NDRG4: variants seen among roughly 807,000 people sequenced by gnomAD.
The protein encoded by NDRG4 is NDRG family member 4, also known as protein NDRG4.
In NDRG4, 38 loss-of-function variants were observed where a neutral mutation model predicts 55.8. The ratio of observed to expected loss-of-function variants is 0.68; its 90% CI spans 0.53 to 0.89. The LOEUF is 0.89. Ranked by LOEUF, NDRG4 falls within the 40% of genes least tolerant of loss-of-function variation. The pLI is 0.00. For missense variants in NDRG4, 455 were observed against 468.6 expected (o/e 0.97, Z 0.27); for synonymous variants, 190 against 182.7 (o/e 1.04, Z -0.32).
chr16:58,472,556 T>C (rs1245389104), intron 1 of NDRG4, among the ~76,000 whole-genome samples: 1 of 152,140 alleles, frequency 6.6e-6, no homozygotes, highest in African/African-American at 2.4e-5. Context: ...CCTGGGACCA[T>C]GCAGGAGAGA....
chr16:58,489,970 G>A (rs555952669), intron 2 of NDRG4, among the ~76,000 whole-genome samples: 8 of 151,958 alleles, frequency 5.3e-5, no homozygotes, highest in South Asian at 2.1e-4. Context: ...TCAGCCTCCC[G>A]AGTAGCGAGG....
At position 58,464,824 on chromosome 16, in the gene NDRG4, C is replaced by T. The variant is rs1249208534; in HGVS notation, c.-24+1027C>T. On this transcript the variant is annotated intron_variant, in intron 1 of 15. Coordinates refer to the NDRG4 transcript ENST00000258187. The surrounding 1 kb of genome is among the most constrained non-coding windows in gnomAD (Gnocchi z 4.8). ...AAGGACCCGTGGGCTTCTGGCAGGA[C>T]CCGCGCCATGGACCTCTTATTTCTG... 1 of 1,251,250 alleles carries T rather than the reference C, an allele frequency of 8.0e-7. No individual in the cohort carries two copies. Among genetic ancestry groups the T allele is most frequent in the Non-Finnish European group, 1.0e-6 (1 of 992,208 alleles). 77.5% of individuals were successfully genotyped at this position (1,251,250 alleles called of 1,614,324 possible).
intron 1 of NDRG4, among the ~76,000 whole-genome samples, chr16:58,481,032 A>G (rs2151632175): frequency 6.6e-6 from 1 of 151,626 alleles, no homozygotes; most frequent in East Asian, 1.9e-4. Context: ...AAAAGATGAT[A>G]GAGTCCACAC....
chr16:58,474,798 T>G (rs9941310), intron 1 of NDRG4, among the ~76,000 whole-genome samples: 1 of 152,132 alleles, frequency 6.6e-6, no homozygotes, highest in African/African-American at 2.4e-5. Context: ...CCAAACCACA[T>G]GTACTGAGAA....
Position 58,464,755 on chromosome 16 carries a change from C to T in NDRG4, c.-24+958C>T. 1 of 1,276,064 alleles carries T rather than the reference C, an allele frequency of 7.8e-7. No individual in the cohort carries two copies. The highest frequency in any genetic ancestry group is 9.9e-7 in the Non-Finnish European group (1 of 1,012,730). The allele number at this position is 1,276,064 out of a possible 1,614,324, so 79.0% of individuals were successfully genotyped here. On this transcript the variant is annotated intron_variant, in intron 1 of 15. Transcript: ENST00000258187. This position sits in a 1 kb window ranked among gnomAD's most constrained non-coding sequence, Gnocchi z 4.8. ...CTCGGATTAGGACCCTGAAAGCTAG[C>T]TCAGGGCTCCTGCCCTCCAATCAGT...
chr16:58,482,567 A>T (rs1211645277), intron 1 of NDRG4, among the ~76,000 whole-genome samples: 1 of 152,070 alleles, frequency 6.6e-6, no homozygotes, highest in Non-Finnish European at 1.5e-5. Flanking sequence ...TAGGACCCCC[A>T]GTCACTGAGA....
intron 1 of NDRG4, among the ~76,000 whole-genome samples, chr16:58,482,468 G>C (rs981657157): frequency 6.6e-5 from 10 of 151,968 alleles, no homozygotes; most frequent in Admixed American, 1.3e-4. Flanking sequence ...GTGCAGCTGT[G>C]GGGGGTAGAG....
chr16:58,487,725 A>C, intron 1 of NDRG4: 2 of 1,473,954 alleles, frequency 1.4e-6, no homozygotes, highest in Non-Finnish European at 1.8e-6. Flanking sequence ...TCCCCGCCGC[A>C]GCAGGCCTCA....
intron 2 of NDRG4, among the ~76,000 whole-genome samples, chr16:58,488,332 C>A (rs1555531084): frequency 6.6e-6 from 1 of 152,210 alleles, no homozygotes; most frequent in Admixed American, 6.5e-5. Flanking sequence ...AGAGGCATCA[C>A]AGGTTATGAT....
chr16:58,475,749 C>A (rs909843538), intron 1 of NDRG4: 1 of 430,460 alleles, frequency 2.3e-6, no homozygotes, highest in African/African-American at 2.1e-5. Flanking sequence ...CCTGCCATCA[C>A]ATCTGTATTC....
intron 1 of NDRG4, among the ~76,000 whole-genome samples, chr16:58,470,368 C>G (rs72790225): frequency 0.23 from 34,814 of 152,050 alleles, 4,553 homozygotes; most frequent in Non-Finnish European, 0.29. Flanking sequence ...GTTGGCTTTC[C>G]TTGAAGTCTA....
upstream of NDRG4, among the ~76,000 whole-genome samples, chr16:58,498,622 C>T (rs1272582535): frequency 6.6e-6 from 1 of 152,142 alleles, no homozygotes; most frequent in Non-Finnish European, 1.5e-5. Context: ...CCCACCCGGC[C>T]CTTGTTCCTG....
chr16:58,493,411 G>A (rs893703445), intron 2 of NDRG4, among the ~76,000 whole-genome samples: 3 of 152,216 alleles, frequency 2.0e-5, no homozygotes, highest in Non-Finnish European at 4.4e-5. Flanking sequence ...TGGGATTACA[G>A]GCATGTGCCA....
chr16:58,466,127 G>A (rs916348322), intron 1 of NDRG4, among the ~76,000 whole-genome samples: 7 of 152,130 alleles, frequency 4.6e-5, no homozygotes, highest in African/African-American at 1.7e-4. Context: ...AGGGATTCTC[G>A]TGCCTCAGCT....
At chr16:58,471,037 A>T (rs2032708976) in intron 1 of NDRG4, among the ~76,000 whole-genome samples, 1 of 152,150 alleles carries the variant, frequency 6.6e-6, no homozygotes, top group Non-Finnish European at 1.5e-5. Flanking sequence ...CAGCCAAGGA[A>T]TGCAGCTCTG....
intron 5 of NDRG4, 192 bp downstream of exon 5, chr16:58,504,841 G>C (rs1443283838): frequency 3.3e-6 from 2 of 604,794 alleles, no homozygotes; most frequent in African/African-American, 1.9e-5. Context: ...TTTTAAAAAA[G>C]AGGTTCCTTT....
chr16:58,508,915 G>C, intron 10 of NDRG4, 47 bp from the exon 11 acceptor site: 1 of 1,604,144 alleles, frequency 6.2e-7, no homozygotes, highest in Non-Finnish European at 8.5e-7. Flanking sequence ...GGCAATGGGG[G>C]TGGGGAGGGG....
At chr16:58,487,109 G>A (rs2151676524) in intron 1 of NDRG4, among the ~76,000 whole-genome samples, 1 of 152,306 alleles carries the variant, frequency 6.6e-6, no homozygotes, top group East Asian at 1.9e-4. Context: ...CTGACCCTGT[G>A]TTTGGCCTCC....
intron 2 of NDRG4, among the ~76,000 whole-genome samples, chr16:58,490,869 C>T (rs962145563): frequency 1.3e-5 from 2 of 151,974 alleles, no homozygotes; most frequent in Admixed American, 6.6e-5. Flanking sequence ...CCCAGCTATT[C>T]GGGAGGCTGA....
Sources: gnomAD v4.1 joint callset for allele counts (sites outside exome capture counted in the v4.1 genomes callset) on GRCh38, gnomAD v4.1.1 for gene constraint, Gnocchi (gnomAD v3.1) non-coding constraint, MANE v1.5 for transcripts, NCBI Gene and HGNC (gene_info 2026-07-23, HGNC 2026-07-21) for gene names.